The following GALNT13 variants were observed in gnomAD, a reference collection of about 807,000 sequenced individuals.
GALNT13 encodes UDP-GalNAc:polypeptide N-acetylgalactosaminyltransferase 13.
A neutral mutation model predicts 64.2 loss-of-function variants in GALNT13; 28 were observed. The ratio of observed to expected loss-of-function variants is 0.44; its 90% CI spans 0.32 to 0.60. The LOEUF is 0.60. GALNT13 is among the 20% of genes least tolerant of loss of function. The pLI is 0.05. For synonymous variants in GALNT13, 214 were observed against 224.6 expected, an observed-to-expected ratio of 0.95 and a Z score of 0.42; for missense variants, 577 against 669.8, an observed-to-expected ratio of 0.86 and a Z score of 1.53.
rs373080844 is a variant in GALNT13, at chr2:154,201,603, A to C, written c.312-40427A>C. On this transcript the variant is annotated intron_variant, in intron 4 of 12. Transcript: ENST00000392825. The stretch of plus-strand genomic sequence containing the variant: ...CAGTTTAAACATACAGAGGCTACCA[A>C]AACCACTGACCATAAAATGTTGTTC... Among the ~76,000 whole-genome samples the C allele has an allele frequency of 1.1e-4, 17 of 152,268 alleles. 1 individual carries two copies. Among genetic ancestry groups the C allele is most frequent in the African/African-American group, 4.1e-4 (17 of 41,562 alleles).
At chr2:153,479,161 A>G in the GALNT13 span, among the ~76,000 whole-genome samples, 10 of 151,968 alleles carry the variant, frequency 6.6e-5, no homozygotes, top group Non-Finnish European at 1.5e-4. Flanking sequence ...TGCCCCCCTG[A>G]CCTCTGGGCG....
intron 2 of GALNT13, among the ~76,000 whole-genome samples, chr2:153,906,045 T>C (rs535652515): frequency 6.6e-6 from 1 of 152,010 alleles, no homozygotes; most frequent in East Asian, 1.9e-4. Context: ...CATTTAAAAT[T>C]ATAAATTGTT....
rs141107907 is a variant in GALNT13, at chr2:153,903,278, G to A, written c.-105+2271G>A. Reference sequence around the variant, plus strand: ...AAAAAAGATTTTGTATCTTGGGTCCGTAAAAGAACGCATTTTAAAGTTAGT... The same window carrying A: ...AAAAAAGATTTTGTATCTTGGGTCCATAAAAGAACGCATTTTAAAGTTAGT... On this transcript the variant is annotated intron_variant, in intron 2 of 12. Transcript: ENST00000392825. 2.5e-3 allele frequency among the ~76,000 whole-genome samples: 384 copies of A among 152,014 alleles called. 3 individuals are homozygous for A. The highest frequency in any genetic ancestry group is 8.1e-3 in the African/African-American group (336 of 41,528).
the GALNT13 span, among the ~76,000 whole-genome samples, chr2:153,118,576 A>G: frequency 6.6e-6 from 1 of 152,188 alleles, no homozygotes; most frequent in South Asian, 2.1e-4. Flanking sequence ...GGTCTGCCAC[A>G]TATCTTACTG....
At chr2:153,934,058 T>G (rs1690727462) in intron 2 of GALNT13, among the ~76,000 whole-genome samples, 1 of 152,198 alleles carries the variant, frequency 6.6e-6, no homozygotes, top group South Asian at 2.1e-4. Context: ...GAGAATCTGA[T>G]GACTGCATGT....
At chr2:154,185,150 A>G (rs1182893069) in intron 4 of GALNT13, among the ~76,000 whole-genome samples, 1 of 152,074 alleles carries the variant, frequency 6.6e-6, no homozygotes, top group Admixed American at 6.6e-5. Context: ...ATTTTCTTTA[A>G]GCACTTTGAA....
chr2:153,273,744 T>C, the GALNT13 span, among the ~76,000 whole-genome samples: 2 of 152,216 alleles, frequency 1.3e-5, no homozygotes, highest in East Asian at 1.9e-4. Context: ...GGAGGGTGAA[T>C]TTTTCATTTA....
At chr2:153,330,106 A>G in the GALNT13 span, among the ~76,000 whole-genome samples, 8 of 151,852 alleles carry the variant, frequency 5.3e-5, no homozygotes, top group African/African-American at 1.2e-4. Context: ...CTTTAATTCT[A>G]TTTTCTCTAT....
chr2:153,864,498 TTTGC>T, the GALNT13 span, among the ~76,000 whole-genome samples: 2 of 152,154 alleles, frequency 1.3e-5, no homozygotes, highest in African/African-American at 4.8e-5. Context: ...GCTTGTGATT[TTTGC>T]ACATTGATTT....
intron 4 of GALNT13, among the ~76,000 whole-genome samples, chr2:154,223,810 T>C (rs1688449175): frequency 1.3e-5 from 2 of 152,150 alleles, no homozygotes; most frequent in South Asian, 4.1e-4. Context: ...TAAAGATAGC[T>C]ATATTTAACA....
chr2:153,212,736 T>C, the GALNT13 span, among the ~76,000 whole-genome samples: 1 of 152,228 alleles, frequency 6.6e-6, no homozygotes, highest in African/African-American at 2.4e-5. Flanking sequence ...TCAAGGATTC[T>C]TTTTATTATT....
At chr2:153,477,562 T>G in the GALNT13 span, 1 of 151,112 alleles carries the variant, frequency 6.6e-6, no homozygotes, top group Non-Finnish European at 1.5e-5. Context: ...CCGTTCAAAT[T>G]CGCAGGCTCC....
At chr2:153,813,130 T>A in the GALNT13 span, among the ~76,000 whole-genome samples, 1 of 152,320 alleles carries the variant, frequency 6.6e-6, no homozygotes, top group Admixed American at 6.5e-5. Flanking sequence ...AGACTGTATA[T>A]GAGTTTTGAA....
At chr2:153,351,475 A>G in the GALNT13 span, among the ~76,000 whole-genome samples, 1 of 152,144 alleles carries the variant, frequency 6.6e-6, no homozygotes, top group Non-Finnish European at 1.5e-5. Context: ...ATCATCACCA[A>G]CCAGAATCCA....
chr2:153,532,181 CA>C, the GALNT13 span, among the ~76,000 whole-genome samples: 10 of 152,194 alleles, frequency 6.6e-5, no homozygotes, highest in African/African-American at 1.9e-4. Context: ...CAGGCTTCTG[CA>C]TGGACATCCA....
chr2:154,349,235 C>T (rs1696249273), intron 9 of GALNT13, among the ~76,000 whole-genome samples: 1 of 152,056 alleles, frequency 6.6e-6, no homozygotes, highest in African/African-American at 2.4e-5. Context: ...AATAATTAGA[C>T]ACATAATTGA....
At chr2:153,099,650 A>G in the GALNT13 span, among the ~76,000 whole-genome samples, 1 of 152,206 alleles carries the variant, frequency 6.6e-6, no homozygotes. Context: ...TGGGTAAATT[A>G]TAGGTGTAAC....
chr2:153,509,734 C>T, the GALNT13 span, among the ~76,000 whole-genome samples: 7 of 152,290 alleles, frequency 4.6e-5, no homozygotes, highest in African/African-American at 1.2e-4. Flanking sequence ...CTACTTTCTT[C>T]CTCTCCCAGG....
At position 154,110,366 on chromosome 2, in the gene GALNT13, GAGAGAGAGAGAC is replaced by G. The variant is rs1189512884; in HGVS notation, c.143-29959_143-29948del. ...AGAGAGAGAGAGAGAGAGAGAGAGA[GAGAGAGAGAGAC>G]AGAGAGAGAGAGAGAGAGAGAGACA... On this transcript the variant is annotated intron_variant, in intron 3 of 12. Transcript: ENST00000392825. Among the ~76,000 whole-genome samples, 712 of 106,156 alleles carry G rather than the reference GAGAGAGAGAGAC, an allele frequency of 6.7e-3. 27 individuals carry two copies. In the East Asian group the frequency reaches 0.074, roughly 11 times the overall value. The allele number at this position is 106,156 out of a possible 152,430, so 69.6% of individuals were successfully genotyped here.
Sources: allele counts gnomAD v4.1 joint callset (sites outside exome capture counted in the v4.1 genomes callset), GRCh38; gene constraint gnomAD v4.1.1; transcripts MANE v1.5; gene names NCBI Gene and HGNC (gene_info 2026-07-23, HGNC 2026-07-21).